Variants in LRP1B observed in about 807,000 individuals in gnomAD.
LRP1B encodes low-density lipoprotein receptor-related protein 1B.
In LRP1B, 217 loss-of-function variants were observed where a neutral mutation model predicts 556.6. That is an observed-to-expected ratio of 0.39 (90% CI 0.35 to 0.44). LRP1B has a LOEUF of 0.44. Among genes scored for constraint, LRP1B ranks in the 20% least tolerant of loss-of-function variants. LRP1B has a pLI of 1.00. For synonymous variants in LRP1B, 2,047 were observed against 1,865.8 expected (o/e 1.10, Z -2.50); for missense variants, 5,053 against 5,620.8 (o/e 0.90, Z 3.23).
chr2:140,843,466 A>G (rs1234864677), intron 29 of LRP1B, among the ~76,000 whole-genome samples: 1 of 152,078 alleles, frequency 6.6e-6, no homozygotes, highest in East Asian at 1.9e-4. Flanking sequence ...TAAATTTCTT[A>G]GCCTGCTTTT....
chr2:140,462,537 A>C (rs956028175), intron 60 of LRP1B, among the ~76,000 whole-genome samples: 1 of 152,180 alleles, frequency 6.6e-6, no homozygotes, highest in Admixed American at 6.5e-5. Flanking sequence ...ATTATAGTTG[A>C]GCGTAGATGG....
intron 1 of LRP1B, among the ~76,000 whole-genome samples, chr2:141,904,417 A>G (rs1000574421): frequency 6.6e-6 from 1 of 151,820 alleles, no homozygotes; most frequent in Non-Finnish European, 1.5e-5. Flanking sequence ...TTATCCTGTA[A>G]AGGTGGTGTG....
chr2:140,324,905 A>G (rs766162687), intron 80 of LRP1B, among the ~76,000 whole-genome samples: 1 of 110,328 alleles, frequency 9.1e-6, no homozygotes, highest in Non-Finnish European at 2.0e-5. Flanking sequence ...GCCATTGATT[A>G]AAAAAAAAAC....
At chr2:141,894,859 G>A in intron 1 of LRP1B, among the ~76,000 whole-genome samples, 1 of 151,880 alleles carries the variant, frequency 6.6e-6, no homozygotes, top group East Asian at 1.9e-4. Context: ...AGACCAGCCT[G>A]ACCAATATGG....
intron 84 of LRP1B, among the ~76,000 whole-genome samples, chr2:140,293,113 G>A (rs1277334566): frequency 2.0e-5 from 3 of 152,132 alleles, no homozygotes; most frequent in South Asian, 2.1e-4. Flanking sequence ...CAGATTACCA[G>A]AGGACTTTGA....
In LRP1B at chr2:140,238,189, C is replaced by T. The variant is rs1558917659; in HGVS notation, c.13523G>A (p.Gly4508Asp). ...YEVDHDHNDG[G>D]LLDPGFMIDP... Reference sequence around the variant, plus strand: ...TATCATAAAGCCAGGATCTAAAAGACCTCCATCGTTGTGATCATGATCTAC... The same window carrying T: ...TATCATAAAGCCAGGATCTAAAAGATCTCCATCGTTGTGATCATGATCTAC... Residue 4508 changes from glycine to aspartate, a missense_variant, in exon 89 of 91, where the codon GGT becomes GAT. By Grantham distance (94) the Gly-to-Asp change is moderately conservative. This residue lies in a region of LRP1B where 551 missense variants were observed against 592.0 expected (regional missense o/e 0.93). Coordinates refer to ENST00000389484, the MANE Select transcript of LRP1B (RefSeq NM_018557.3). 1 of 1,604,848 alleles carries T rather than the reference C, an allele frequency of 6.2e-7. No homozygotes were observed. Among genetic ancestry groups the T allele is most frequent in the Non-Finnish European group, 8.5e-7 (1 of 1,174,338 alleles).
intron 2 of LRP1B, among the ~76,000 whole-genome samples, chr2:141,508,649 GTTT>G (rs34119540): frequency 0.02 from 3,096 of 151,298 alleles, 85 homozygotes; most frequent in East Asian, 0.11. Flanking sequence ...ACACATCTCT[GTTT>G]TTTTTTTTTA....
intron 1 of LRP1B, among the ~76,000 whole-genome samples, chr2:141,818,683 C>T (rs747924926): frequency 1.2e-4 from 18 of 151,238 alleles, no homozygotes; most frequent in Non-Finnish European, 2.4e-4. Context: ...ACTACAGGCG[C>T]CTGCCACCAC....
intron 86 of LRP1B, among the ~76,000 whole-genome samples, chr2:140,261,998 G>T (rs933443903): frequency 6.6e-6 from 1 of 151,862 alleles, no homozygotes; most frequent in African/African-American, 2.4e-5. Context: ...TGTTCAAATG[G>T]AGAAAGAATT....
At chr2:140,437,212 G>T (rs189289092) in intron 66 of LRP1B, among the ~76,000 whole-genome samples, 23 of 152,132 alleles carry the variant, frequency 1.5e-4, no homozygotes, top group Admixed American at 2.6e-4. Context: ...CATTAGAGAC[G>T]AATGAGGTTC....
At position 140,370,712 on chromosome 2, in the gene LRP1B, C is replaced by T. The variant is rs773871940; in HGVS notation, c.11006G>A (p.Arg3669Lys). ...VDGSDEENCE[R>K]GGNICRADEF... ...ACACACACACAAAAATACCTTACCT[C>T]TTTCACAGTTCTCTTCATCACTGCC... The change falls in exon 71 of 91, where the codon AGA (arginine) becomes AAA (lysine). Residue 3669 changes from arginine to lysine, a missense_variant and splice_region_variant. Transcript: ENST00000389484. 3 of 1,612,384 alleles carry T rather than the reference C, an allele frequency of 1.9e-6. No individual in the cohort carries two copies. In the South Asian group the frequency reaches 3.3e-5, roughly 18 times the overall value.
chr2:141,506,585 A>T (rs1210601360), intron 2 of LRP1B, among the ~76,000 whole-genome samples: 3 of 152,032 alleles, frequency 2.0e-5, no homozygotes, highest in African/African-American at 7.2e-5. Flanking sequence ...AGAGTTAATG[A>T]CAGGCTGTAT....
In LRP1B at chr2:141,258,911, C is replaced by T. The variant is rs141948402; in HGVS notation, c.344-4270G>A. On this transcript the variant is annotated intron_variant, in intron 3 of 90. Coordinates refer to ENST00000389484, the MANE Select transcript of LRP1B (RefSeq NM_018557.3). Reference sequence around the variant, plus strand: ...CCTGCAGAACTGTGAGCCAATTCAACCTTTTTCTTTATAAATTACCCAGTC... The same window carrying T: ...CCTGCAGAACTGTGAGCCAATTCAATCTTTTTCTTTATAAATTACCCAGTC... Among the ~76,000 whole-genome samples the T allele has an allele frequency of 4.1e-3, 627 of 152,240 alleles. 3 individuals carry two copies. Among genetic ancestry groups the T allele is most frequent in the African/African-American group, 0.013 (557 of 41,536 alleles).
intron 3 of LRP1B, among the ~76,000 whole-genome samples, chr2:141,303,244 T>C (rs1686461465): frequency 6.6e-6 from 1 of 152,150 alleles, no homozygotes. Flanking sequence ...ATTTAGCGTA[T>C]CCATCACCTT....
At chr2:140,935,581 A>G (rs1389820432) in intron 20 of LRP1B, among the ~76,000 whole-genome samples, 1 of 152,076 alleles carries the variant, frequency 6.6e-6, no homozygotes, top group Non-Finnish European at 1.5e-5. Context: ...AATTTTCCAG[A>G]AGGAGGAGGA....
chr2:141,740,305 T>C (rs1693649016), intron 2 of LRP1B, among the ~76,000 whole-genome samples: 1 of 152,174 alleles, frequency 6.6e-6, no homozygotes, highest in South Asian at 2.1e-4. Flanking sequence ...GTGCACTTAA[T>C]GGTTTTACAC....
At chr2:141,259,817 G>T (rs1684618969) in intron 3 of LRP1B, among the ~76,000 whole-genome samples, 2 of 152,130 alleles carry the variant, frequency 1.3e-5, no homozygotes, top group South Asian at 2.1e-4. Context: ...TCATAAGCTT[G>T]TTGGGAGTCT....
At chr2:140,498,462 A>G (rs1237479783) in intron 55 of LRP1B, among the ~76,000 whole-genome samples, 1 of 151,838 alleles carries the variant, frequency 6.6e-6, no homozygotes, top group Non-Finnish European at 1.5e-5. Flanking sequence ...GTTAAATGTT[A>G]TTACTCCCTT....
intron 7 of LRP1B, among the ~76,000 whole-genome samples, chr2:141,064,094 G>A (rs1699414442): frequency 6.6e-6 from 1 of 151,908 alleles, no homozygotes; most frequent in South Asian, 2.1e-4. Flanking sequence ...CAAGAACCTT[G>A]GAGGCATGCT....
Sources: gnomAD v4.1 joint callset for allele counts (sites outside exome capture counted in the v4.1 genomes callset) on GRCh38, gnomAD v4.1.1 for gene constraint, gnomAD v4.1.1 regional missense constraint, MANE v1.5 for transcripts, NCBI Gene and HGNC (gene_info 2026-07-23, HGNC 2026-07-21) for gene names.